Variants in SMAP2 observed in about 807,000 individuals in gnomAD.
SMAP2 encodes the protein stromal membrane-associated protein 2.
A neutral mutation model predicts 56.4 loss-of-function variants in SMAP2; 25 were observed. That is an observed-to-expected ratio of 0.44 (90% confidence interval 0.32 to 0.62). SMAP2 has a LOEUF of 0.62. Among genes scored for constraint, SMAP2 ranks in the 20% least tolerant of loss-of-function variants. The pLI is 0.04. For missense variants in SMAP2, 388 were observed against 545.6 expected (o/e 0.71, Z 2.88); for synonymous variants, 157 against 181.7 (o/e 0.86, Z 1.09).
At chr1:40,415,079 A>G (rs1644973836) in intron 6 of SMAP2, among the ~76,000 whole-genome samples, 193 bp from the exon 7 acceptor site, 1 of 152,200 alleles carries the variant, frequency 6.6e-6, no homozygotes, top group East Asian at 1.9e-4. Flanking sequence ...GCTGGGCTAC[A>G]GGCTTCCCCA....
At chr1:40,353,437 C>T (rs1228437344) in intron 1 of SMAP2, among the ~76,000 whole-genome samples, 3 of 152,170 alleles carry the variant, frequency 2.0e-5, no homozygotes, top group Non-Finnish European at 4.4e-5. Flanking sequence ...GGCATGATCT[C>T]AGCTCACAGC....
intron 1 of SMAP2, among the ~76,000 whole-genome samples, chr1:40,378,020 G>A (rs1183807364): frequency 1.3e-5 from 2 of 152,300 alleles, no homozygotes; most frequent in African/African-American, 2.4e-5. Context: ...TTAATGCTAT[G>A]CCAGTAGTTG....
intron 8 of SMAP2, 112 bp downstream of exon 8, chr1:40,416,453 A>G (rs750386787): frequency 1.5e-5 from 18 of 1,224,396 alleles, no homozygotes; most frequent in East Asian, 2.3e-5. Context: ...GATGTCATAC[A>G]CCAAACAAAC....
intron 1 of SMAP2, among the ~76,000 whole-genome samples, chr1:40,354,588 C>T (rs767601428): frequency 4.0e-5 from 6 of 151,852 alleles, no homozygotes; most frequent in African/African-American, 9.7e-5. Flanking sequence ...CTGCCTGCCT[C>T]GATCTCCCAA....
intron 2 of SMAP2, among the ~76,000 whole-genome samples, chr1:40,362,808 A>G (rs1219348066): frequency 6.6e-6 from 1 of 152,158 alleles, no homozygotes; most frequent in Non-Finnish European, 1.5e-5. Flanking sequence ...CATTCAACAC[A>G]GGAAAAAGAG....
At chr1:40,383,999 T>C (rs1457609372) in intron 1 of SMAP2, among the ~76,000 whole-genome samples, 3 of 152,028 alleles carry the variant, frequency 2.0e-5, no homozygotes, top group African/African-American at 4.8e-5. Context: ...CGGGTTCAAG[T>C]GATTCTCATG....
intron 1 of SMAP2, among the ~76,000 whole-genome samples, chr1:40,348,592 G>A (rs1342613649): frequency 1.3e-5 from 2 of 151,812 alleles, no homozygotes; most frequent in Non-Finnish European, 2.9e-5. Context: ...CAAGAGAATC[G>A]CTTGAACCCA....
Position 40,374,515 on chromosome 1 carries a change from C to A in SMAP2, c.103+292C>A. ...TGTATTTGAGGGCTCTGAATGAGTT[C>A]TGGGCCGGCTGTCCAGAGAGAGCTC... On this transcript the variant is annotated intron_variant, in intron 1 of 9. Coordinates refer to ENST00000372718, the MANE Select transcript of SMAP2 (RefSeq NM_022733.3). This position sits in a 1 kb window ranked among gnomAD's most constrained non-coding sequence, Gnocchi z 5.9. 1 of 815,448 alleles carries A rather than the reference C, an allele frequency of 1.2e-6. No individual in the cohort carries two copies. Among genetic ancestry groups the A allele is most frequent in the Non-Finnish European group, 2.0e-6 (1 of 497,156 alleles). The allele number at this position is 815,448 out of a possible 1,614,324, so 50.5% of individuals were successfully genotyped here. A position where few individuals can be genotyped will look rare whatever the true frequency, so the allele number is the denominator to read the frequency against.
rs1324583696 is a variant in SMAP2, at chr1:40,374,247, C to CAGG, written c.103+25_103+27dup. 1 of 1,586,018 alleles carries CAGG rather than the reference C, an allele frequency of 6.3e-7. No homozygotes were observed. The highest frequency in any genetic ancestry group is 1.3e-5 in the African/African-American group (1 of 74,454). On this transcript the variant is annotated intron_variant, in intron 1 of 9. Coordinates refer to ENST00000372718, the MANE Select transcript of SMAP2 (RefSeq NM_022733.3). This position sits in a 1 kb window ranked among gnomAD's most constrained non-coding sequence, Gnocchi z 5.9. ...AGGTAGCGCATCCCACCTGGCGGGCCAGGGGTCCAGCCGCGCCGGGGTGGT... is the reference window on the plus strand; with the variant it reads ...AGGTAGCGCATCCCACCTGGCGGGCCAGGAGGGGTCCAGCCGCGCCGGGGTGGT...
intron 1 of SMAP2, among the ~76,000 whole-genome samples, chr1:40,356,405 G>GTTTTTTTTT (rs71060371): frequency 1.7e-5 from 2 of 115,636 alleles, no homozygotes; most frequent in Admixed American, 8.2e-5. Flanking sequence ...TGGGTTTTTT[G>GTTTTTTTTT]TTTTTTTTTG....
intron 1 of SMAP2, among the ~76,000 whole-genome samples, chr1:40,356,941 C>G (rs1391871766): frequency 6.6e-6 from 1 of 152,096 alleles, no homozygotes; most frequent in Non-Finnish European, 1.5e-5. Context: ...TTTCATATAC[C>G]TATTTGACCT....
chr1:40,358,404 C>T (rs912909047), intron 1 of SMAP2, among the ~76,000 whole-genome samples: 6 of 151,950 alleles, frequency 3.9e-5, no homozygotes, highest in Non-Finnish European at 7.4e-5. Context: ...ATTAGCTGGG[C>T]GTGGTGGTGG....
At chr1:40,414,867 G>A (rs1489744797) in intron 6 of SMAP2, among the ~76,000 whole-genome samples, 1 of 152,192 alleles carries the variant, frequency 6.6e-6, no homozygotes, top group African/African-American at 2.4e-5. Context: ...AGCACTGATG[G>A]TTGCACTTTG....
At chr1:40,394,199 C>T (rs1644747118) in intron 1 of SMAP2, among the ~76,000 whole-genome samples, 1 of 152,104 alleles carries the variant, frequency 6.6e-6, no homozygotes, top group Non-Finnish European at 1.5e-5. Flanking sequence ...CACCATCTAC[C>T]ATTTCCCTCA....
chr1:40,351,515 A>AT (rs1278106099), intron 1 of SMAP2, among the ~76,000 whole-genome samples: 1 of 151,946 alleles, frequency 6.6e-6, no homozygotes, highest in Non-Finnish European at 1.5e-5. Flanking sequence ...TTATTTATTT[A>AT]TTTTTTGATA....
At position 40,417,039 on chromosome 1, in the gene SMAP2, G is replaced by C. The variant is rs1644995234; in HGVS notation, c.1107G>C (p.Met369Ile). The C allele has an allele frequency of 6.2e-7, 1 of 1,613,874 alleles. No individual in the cohort carries two copies. The highest frequency in any genetic ancestry group is 8.5e-7 in the Non-Finnish European group (1 of 1,179,868). ...GCTACATGGCAGGCATGGCAGCTATGCCCCAGACTGTGTATGGGGTCCAGC... is the reference window on the plus strand; with the variant it reads ...GCTACATGGCAGGCATGGCAGCTATCCCCCAGACTGTGTATGGGGTCCAGC... Reference protein sequence around the residue: ...QAGYMAGMAAMPQTVYGVQPA... With the variant: ...QAGYMAGMAAIPQTVYGVQPA... The change falls in exon 9 of 10, where the codon ATG becomes ATC. Residue 369 changes from methionine (M) to isoleucine (I), a missense_variant. Met to Ile is a conservative substitution (Grantham distance 10). Coordinates refer to ENST00000372718, the MANE Select transcript of SMAP2 (RefSeq NM_022733.3).
intron 1 of SMAP2, among the ~76,000 whole-genome samples, chr1:40,382,260 C>T (rs539797328): frequency 6.6e-6 from 1 of 152,224 alleles, no homozygotes; most frequent in Non-Finnish European, 1.5e-5. Context: ...TCTTGGAAAT[C>T]GTGTCATGCA....
intron 1 of SMAP2, among the ~76,000 whole-genome samples, chr1:40,354,657 A>G (rs958291743): frequency 6.0e-5 from 9 of 150,738 alleles, no homozygotes; most frequent in Admixed American, 2.0e-4. Context: ...ATATAAGGTT[A>G]GTTAATTTTT....
intron 1 of SMAP2, among the ~76,000 whole-genome samples, chr1:40,394,246 T>C (rs1644747774): frequency 6.6e-6 from 1 of 152,110 alleles, no homozygotes; most frequent in South Asian, 2.1e-4. Flanking sequence ...GTTTAGGTGT[T>C]TGGGGCGCCA....
Sources: gnomAD v4.1 joint callset for allele counts (sites outside exome capture counted in the v4.1 genomes callset) on GRCh38, gnomAD v4.1.1 for gene constraint, Gnocchi (gnomAD v3.1) non-coding constraint, MANE v1.5 for transcripts, NCBI Gene and HGNC (gene_info 2026-07-23, HGNC 2026-07-21) for gene names.